The following PEDS1 variants were observed in gnomAD, a reference collection of about 807,000 sequenced individuals.
PEDS1 encodes the protein CarF homolog.
In PEDS1, 14 loss-of-function variants were observed where a neutral mutation model predicts 35.2. The ratio of observed to expected loss-of-function variants is 0.40; its 90% CI spans 0.26 to 0.62. The LOEUF is 0.62. Among genes scored for constraint, PEDS1 ranks in the 20% least tolerant of loss-of-function variants. The probability of loss-of-function intolerance (pLI) is 0.44; values close to 1 mark genes in which losing one functional copy is unlikely to be tolerated. For synonymous variants in PEDS1, 152 were observed against 152.0 expected (o/e 1.00, Z 0.00); for missense variants, 260 against 367.8 (o/e 0.71, Z 2.40).
chr20:50,136,926 G>A (rs1488480615), intron 2 of PEDS1, among the ~76,000 whole-genome samples: 1 of 151,854 alleles, frequency 6.6e-6, no homozygotes, highest in Non-Finnish European at 1.5e-5. Flanking sequence ...GGTCCTACTG[G>A]AGGCTGAAGT....
intron 2 of PEDS1, among the ~76,000 whole-genome samples, chr20:50,134,519 G>C (rs967450929): frequency 3.9e-5 from 6 of 152,108 alleles, no homozygotes; most frequent in African/African-American, 1.4e-4. Flanking sequence ...TGCACTCCAG[G>C]CTAGGCAACA....
At chr20:50,141,581 A>T (rs768459325) in intron 2 of PEDS1, among the ~76,000 whole-genome samples, 5 of 152,240 alleles carry the variant, frequency 3.3e-5, no homozygotes, top group Non-Finnish European at 7.3e-5. Context: ...GCCCAAGGCC[A>T]CAGAGCCAGG....
chr20:50,137,639 G>A (rs1441062712), intron 2 of PEDS1, among the ~76,000 whole-genome samples: 1 of 152,190 alleles, frequency 6.6e-6, no homozygotes, highest in Non-Finnish European at 1.5e-5. Flanking sequence ...TTAGAAGGCC[G>A]AGGAGGGTGG....
rs1032760530 is a variant in PEDS1, at chr20:50,122,724, C to T, written c.*2334G>A. The T allele has an allele frequency of 3.3e-5, 5 of 152,114 alleles. No individual in the cohort carries two copies. The highest frequency in any genetic ancestry group is 9.7e-5 in the African/African-American group (4 of 41,436). 9.4% of individuals were successfully genotyped at this position (152,114 alleles called of 1,614,324 possible). Reference sequence around the variant, plus strand: ...GACTAGCTATTGACTATGTCTGTAGCGTTCACTACAGAATCGCAGTACCTA... The same window carrying T: ...GACTAGCTATTGACTATGTCTGTAGTGTTCACTACAGAATCGCAGTACCTA... On this transcript the variant is annotated 3_prime_UTR_variant, in exon 6 of 6. Coordinates refer to ENST00000371652, the MANE Select transcript of PEDS1 (RefSeq NM_199129.4).
At chr20:50,153,469 A>G in intron 1 of PEDS1, 48 bp downstream of exon 1, 1 of 1,288,456 alleles carries the variant, frequency 7.8e-7, no homozygotes, top group Non-Finnish European at 9.9e-7. Context: ...CGCTGTCCGC[A>G]GCCGGGGCTG....
chr20:50,130,980 C>G, intron 2 of PEDS1, 33 bp from the exon 3 acceptor site: 1 of 1,614,198 alleles, frequency 6.2e-7, no homozygotes, highest in Non-Finnish European at 8.5e-7. Context: ...AGGGACATCC[C>G]TGCACCCCCC....
In PEDS1 at chr20:50,128,234, G is replaced by A. The variant is rs766269630; in HGVS notation, c.479-47C>T. 6.6e-5 allele frequency: 106 copies of A among 1,605,672 alleles called. No individual in the cohort carries two copies. The Admixed American group carries it at 1.4e-3, about 21-fold the overall frequency. On this transcript the variant is annotated intron_variant, in intron 4 of 5. Coordinates refer to ENST00000371652, the MANE Select transcript of PEDS1 (RefSeq NM_199129.4). The surrounding 1 kb of genome is among the most constrained non-coding windows in gnomAD (Gnocchi z 5.2). ...GGCCGGCACAGCTGTCACTCGGGAC[G>A]GGGAACCCACCCCAAATGGCCCTCA...
At chr20:50,149,702 C>T (rs2081382399) in intron 1 of PEDS1, among the ~76,000 whole-genome samples, 1 of 152,204 alleles carries the variant, frequency 6.6e-6, no homozygotes, top group African/African-American at 2.4e-5. Flanking sequence ...CAGCTCCCTA[C>T]ACACAGAGGC....
At chr20:50,136,175 T>A (rs965783444) in intron 2 of PEDS1, among the ~76,000 whole-genome samples, 1 of 152,250 alleles carries the variant, frequency 6.6e-6, no homozygotes. Context: ...TTTTATCTCC[T>A]TTAATCCCTG....
At chr20:50,127,909 C>G in intron 5 of PEDS1, 66 bp downstream of exon 5, 1 of 1,567,332 alleles carries the variant, frequency 6.4e-7, no homozygotes, top group Non-Finnish European at 8.7e-7. Flanking sequence ...CTCTGCCCTC[C>G]TGACCTCGAA....
At position 50,143,130 on chromosome 20, in the gene PEDS1, A is replaced by C. The variant is rs151130804; in HGVS notation, c.241+372T>G. On this transcript the variant is annotated intron_variant, in intron 2 of 5. Transcript: ENST00000371652. ...GCAGGGCAAAGGTGAAGGCAGGGAG[A>C]CCAGGAAGAAGGCTCCTGAAACAGC... 1.2e-4 allele frequency among the ~76,000 whole-genome samples: 19 copies of C among 152,182 alleles called. No individual in the cohort carries two copies. The Middle Eastern group carries it at 0.014, about 109-fold the overall frequency.
At position 50,128,096 on chromosome 20, in the gene PEDS1, G is replaced by A. The variant is rs1349082967; in HGVS notation, c.570C>T (p.His190=). 1 of 1,614,226 alleles carries A rather than the reference G, an allele frequency of 6.2e-7. No homozygotes were observed. Among genetic ancestry groups the A allele is most frequent in the South Asian group, 1.1e-5 (1 of 91,084 alleles). The change falls in exon 5 of 6, where the codon CAC becomes CAT. Residue 190 remains histidine (H), a synonymous_variant. Transcript: ENST00000371652. This position sits in a 1 kb window ranked among gnomAD's most constrained non-coding sequence, Gnocchi z 5.2. The part of the protein sequence containing the change: ...TFTNQIHKWS[H]TYFGLPRWVT... ...CCCAGCGTGGCAGCCCAAAGTACGT[G>A]TGCGACCACTTGTGGATCTGGTTGG...
At chr20:50,138,561 GC>G (rs2081259639) in intron 2 of PEDS1, among the ~76,000 whole-genome samples, 1 of 152,256 alleles carries the variant, frequency 6.6e-6, no homozygotes, top group Non-Finnish European at 1.5e-5. Flanking sequence ...TCAAGGCCTG[GC>G]GCCTGCACGC....
At chr20:50,144,053 C>G (rs1204503752) in intron 1 of PEDS1, among the ~76,000 whole-genome samples, 2 of 152,140 alleles carry the variant, frequency 1.3e-5, no homozygotes, top group Non-Finnish European at 1.5e-5. Context: ...GCTGAGCTTA[C>G]AGACTCCCGC....
chr20:50,143,186 C>CGTGG (rs1362302094), intron 2 of PEDS1, among the ~76,000 whole-genome samples: 1 of 152,026 alleles, frequency 6.6e-6, no homozygotes, highest in Non-Finnish European at 1.5e-5. Flanking sequence ...GCTGGACAAG[C>CGTGG]GTGGGGACCA....
Position 50,118,971 on chromosome 20 carries a change from A to G in PEDS1, c.*6087T>C, listed in dbSNP as rs1281031550. On this transcript the variant is annotated 3_prime_UTR_variant, in exon 6 of 6. Transcript: ENST00000371652. ...ATCTTAGAATCAGTGACATCTTAGA[A>G]TCAATGAAATACAGTAAGAGGAATG... is the stretch of plus-strand genomic sequence containing the variant. The G allele has an allele frequency of 1.3e-5, 2 of 152,202 alleles. No individual in the cohort carries two copies. Among genetic ancestry groups the G allele is most frequent in the Non-Finnish European group, 2.9e-5 (2 of 68,052 alleles). 9.4% of individuals were successfully genotyped at this position (152,202 alleles called of 1,614,324 possible).
In PEDS1 at chr20:50,129,734, G is replaced by A; in HGVS notation, c.334-44C>T. 1 of 1,608,114 alleles carries A rather than the reference G, an allele frequency of 6.2e-7. No homozygotes were observed. On this transcript the variant is annotated intron_variant, in intron 3 of 5. Coordinates refer to ENST00000371652, the MANE Select transcript of PEDS1 (RefSeq NM_199129.4). This position sits in a 1 kb window ranked among gnomAD's most constrained non-coding sequence, Gnocchi z 4.2. The stretch of plus-strand genomic sequence containing the variant: ...CAGCCCCAGCAGTCAGCCTAAGGTG[G>A]TCAGCTGCTCTCCACAGCCCCCTAA...
chr20:50,130,744 G>T, intron 3 of PEDS1, 112 bp downstream of exon 3: 1 of 1,361,846 alleles, frequency 7.3e-7, no homozygotes, highest in Non-Finnish European at 1.0e-6. Flanking sequence ...AGGCTGCAAT[G>T]ATGGTTCCCA....
rs193021767 is a variant in PEDS1 at position 50,144,662 on chromosome 20, G to A, written c.122-1041C>T. Among the ~76,000 whole-genome samples the A allele has an allele frequency of 9.7e-4, 148 of 152,314 alleles. 1 individual carries two copies. The highest frequency in any genetic ancestry group is 3.4e-3 in the African/African-American group (141 of 41,576). ...TTGGGAAATAACCTAAGTGGCCATT[G>A]CCTGGGGATTGGCCAAATGAATTCA... On this transcript the variant is annotated intron_variant, in intron 1 of 5. Transcript: ENST00000371652.
Sources: gnomAD v4.1 joint callset for allele counts (sites outside exome capture counted in the v4.1 genomes callset) on GRCh38, gnomAD v4.1.1 for gene constraint, Gnocchi (gnomAD v3.1) non-coding constraint, MANE v1.5 for transcripts, NCBI Gene and HGNC (gene_info 2026-07-23, HGNC 2026-07-21) for gene names.